TBL1X: variants seen among roughly 807,000 people sequenced by gnomAD.
TBL1X encodes the protein transducin beta like 1 X-linked.
Under a neutral mutation model 50.7 loss-of-function variants are expected in TBL1X, and 10 were observed. The observed-to-expected ratio is 0.20, with a 90% confidence interval of 0.12 to 0.33. TBL1X has a LOEUF of 0.33. TBL1X is among the 10% of genes least tolerant of loss of function. The pLI is 1.00. For synonymous variants in TBL1X, 190 were observed against 214.7 expected (o/e 0.88, Z 1.01); for missense variants, 340 against 504.4 (o/e 0.67, Z 3.12).
chrX:9,550,852 C>T (rs1271944127), intron 2 of TBL1X, among the ~76,000 whole-genome samples: 3 of 111,092 alleles, frequency 2.7e-5, no homozygotes, highest in Non-Finnish European at 5.7e-5. Context: ...CATTTGGCAG[C>T]GTCTGGAGAC....
At chrX:9,528,690 G>C (rs1464111214) in intron 2 of TBL1X, among the ~76,000 whole-genome samples, 1 of 104,293 alleles carries the variant, frequency 9.6e-6, no homozygotes, top group Non-Finnish European at 2.0e-5. Flanking sequence ...AGGAGCTTGC[G>C]GGGGGAGGGG....
At chrX:9,590,075 A>C (rs5933743) in intron 2 of TBL1X, among the ~76,000 whole-genome samples, 38,059 of 110,993 alleles carry the variant, frequency 0.34, 4,852 homozygotes, top group East Asian at 0.67. Context: ...CAAAGCATTA[A>C]GAGTGACAAG....
chrX:9,625,059 T>C (rs1470098149), intron 2 of TBL1X, among the ~76,000 whole-genome samples: 2 of 112,596 alleles, frequency 1.8e-5, no homozygotes, highest in African/African-American at 3.2e-5. Context: ...ACTTGATACT[T>C]GTATGACTAT....
intron 11 of TBL1X, among the ~76,000 whole-genome samples, chrX:9,695,366 TTAG>T (rs2083125434): frequency 1.8e-5 from 2 of 112,645 alleles, no homozygotes; most frequent in South Asian, 7.3e-4. Context: ...CCTTTCAGAC[TTAG>T]TAGCCTGGTT....
At chrX:9,682,750 T>C (rs2083033057) in intron 5 of TBL1X, among the ~76,000 whole-genome samples, 1 of 112,230 alleles carries the variant, frequency 8.9e-6, no homozygotes, top group African/African-American at 3.2e-5. Context: ...GGAGCACCTG[T>C]CCAGCAAGGC....
At chrX:9,629,699 G>T (rs185181685) in intron 2 of TBL1X, among the ~76,000 whole-genome samples, 2 of 111,877 alleles carry the variant, frequency 1.8e-5, no homozygotes, top group Non-Finnish European at 3.8e-5. Flanking sequence ...TTAAAAAAAC[G>T]GTAGCAGCAT....
rs145472802 is a variant in TBL1X, at chrX:9,546,088, C to T, written c.-131+44239C>T. Among the ~76,000 whole-genome samples the T allele has an allele frequency of 4.1e-3, 459 of 111,914 alleles. 5 individuals carry two copies. The highest frequency in any genetic ancestry group is 0.015 in the African/African-American group (449 of 30,765). Reference sequence around the variant, plus strand: ...CACCAGATGGCTCCCTGTTGAAGCTCCCTTCTCTCTGTTACCAATGAGTAA... The same window carrying T: ...CACCAGATGGCTCCCTGTTGAAGCTTCCTTCTCTCTGTTACCAATGAGTAA... On this transcript the variant is annotated intron_variant, in intron 2 of 17. Coordinates refer to ENST00000645353, the MANE Select transcript of TBL1X (RefSeq NM_005647.4).
Position 9,684,136 on chromosome X carries a change from C to G in TBL1X, c.305C>G (p.Ser102Cys), listed in dbSNP as rs763998982. The G allele has an allele frequency of 3.3e-6, 4 of 1,212,035 alleles. No individual in the cohort carries two copies. Among genetic ancestry groups the G allele is most frequent in the Non-Finnish European group, 4.5e-6 (4 of 895,600 alleles). ...CTAGTGCCACCGGCCGCCCTCATCT[C>G]CATTCTCCAGAAGGGCCTGCAGTAT... is the stretch of plus-strand genomic sequence containing the variant. ...GTLVPPAALISILQKGLQYVE... is the reference protein window; with the variant it reads ...GTLVPPAALICILQKGLQYVE... Residue 102 changes from serine (S) to cysteine (C), a missense_variant, in exon 6 of 18, where the codon TCC (serine) becomes TGC (cysteine). This residue lies in a region of TBL1X where 24 missense variants were observed against 44.1 expected (regional missense o/e 0.54). Transcript: ENST00000645353.
chrX:9,496,554 AGTGGTCAAAT>A (rs1327559448), intron 1 of TBL1X, among the ~76,000 whole-genome samples: 1 of 112,926 alleles, frequency 8.9e-6, no homozygotes, highest in Admixed American at 9.3e-5. Context: ...TTAAATTAAA[AGTGGTCAAAT>A]GCTGGCAGCC....
chrX:9,610,411 G>T (rs2082607724), intron 2 of TBL1X, among the ~76,000 whole-genome samples: 1 of 112,606 alleles, frequency 8.9e-6, no homozygotes, highest in Admixed American at 9.4e-5. Context: ...ATTAGCCAAA[G>T]TTCAGTGTTT....
At chrX:9,673,838 G>A (rs1254503296) in intron 5 of TBL1X, among the ~76,000 whole-genome samples, 1 of 111,878 alleles carries the variant, frequency 8.9e-6, no homozygotes, top group African/African-American at 3.3e-5. Context: ...AGGCCGAGGT[G>A]GGTGGATCAC....
At chrX:9,624,021 T>A (rs765486167) in intron 2 of TBL1X, among the ~76,000 whole-genome samples, 2 of 112,460 alleles carry the variant, frequency 1.8e-5, no homozygotes, top group East Asian at 5.6e-4. Flanking sequence ...TGGCTTCCTA[T>A]CATGCCTTTT....
At position 9,479,938 on chromosome X, in the gene TBL1X, A is replaced by ATGTG. The variant is rs112927270; in HGVS notation, c.-201+14515_-201+14518dup. 1.9e-3 allele frequency among the ~76,000 whole-genome samples: 178 copies of ATGTG among 94,987 alleles called. 2 individuals are homozygous for ATGTG. Among genetic ancestry groups the ATGTG allele is most frequent in the African/African-American group, 5.7e-3 (144 of 25,434 alleles). The allele number at this position is 94,987 out of a possible 115,157, so 82.5% of individuals were successfully genotyped here. On this transcript the variant is annotated intron_variant, in intron 1 of 17. Transcript: ENST00000645353. ...ATGCAAGGCGTAGAAGGAAAGTAGA[A>ATGTG]TGTGTGTGTGTGTGTGTGTGTGTGT...
chrX:9,612,756 G>A (rs943080757), intron 2 of TBL1X, among the ~76,000 whole-genome samples: 1 of 110,781 alleles, frequency 9.0e-6, no homozygotes, highest in Non-Finnish European at 1.9e-5. Flanking sequence ...TATTCCCTAC[G>A]ATCCACTTAT....
At chrX:9,587,792 C>T (rs2082478267) in intron 2 of TBL1X, among the ~76,000 whole-genome samples, 1 of 107,979 alleles carries the variant, frequency 9.3e-6, no homozygotes, top group African/African-American at 3.4e-5. Flanking sequence ...CAGTGGCAGT[C>T]ACTTCCCACC....
At chrX:9,692,705 G>A (rs1740778290) in intron 9 of TBL1X, among the ~76,000 whole-genome samples, 1 of 112,897 alleles carries the variant, frequency 8.9e-6, no homozygotes, top group Non-Finnish European at 1.9e-5. Flanking sequence ...ACTGCCCCCG[G>A]CCAGTCTTGG....
rs182964467 is a variant in TBL1X, at chrX:9,713,496, C to T, written c.1606-1406C>T. Among the ~76,000 whole-genome samples the T allele has an allele frequency of 4.7e-3, 458 of 96,613 alleles. 12 individuals are homozygous for T. The Admixed American group carries it at 0.049, about 10-fold the overall frequency. The allele number at this position is 96,613 out of a possible 115,157, so 83.9% of individuals were successfully genotyped here. On this transcript the variant is annotated intron_variant, in intron 16 of 17. Transcript: ENST00000645353. ...AGGCTGGAGTACAGTGATGCCATCT[C>T]GGCCCACTGCGACCTCTGCCTCCCG... is the stretch of plus-strand genomic sequence containing the variant.
intron 2 of TBL1X, among the ~76,000 whole-genome samples, chrX:9,629,575 C>T (rs998579877): frequency 1.8e-5 from 2 of 112,279 alleles, no homozygotes; most frequent in Admixed American, 9.4e-5. Context: ...AGTGAGTATG[C>T]GTGTGTTTCT....
chrX:9,697,579 C>T (rs777115288), intron 12 of TBL1X, 150 bp downstream of exon 12: 1 of 776,295 alleles, frequency 1.3e-6, no homozygotes, highest in African/African-American at 2.1e-5. Flanking sequence ...CAAGACCAGC[C>T]TGGGCAACAT....
Sources: gnomAD v4.1 joint callset for allele counts (sites outside exome capture counted in the v4.1 genomes callset) on GRCh38, gnomAD v4.1.1 for gene constraint, gnomAD v4.1.1 regional missense constraint, MANE v1.5 for transcripts, NCBI Gene and HGNC (gene_info 2026-07-23, HGNC 2026-07-21) for gene names.